The following NMNAT2 variants were observed in gnomAD, a reference collection of about 807,000 sequenced individuals.
NMNAT2 encodes nicotinamide/nicotinic acid mononucleotide adenylyltransferase 2.
A neutral mutation model predicts 41.6 loss-of-function variants in NMNAT2; 11 were observed. That is an observed-to-expected ratio of 0.26 (90% CI 0.17 to 0.44). NMNAT2 has a LOEUF of 0.44. Among genes scored for constraint, NMNAT2 ranks in the 20% least tolerant of loss-of-function variants. The pLI, the probability that NMNAT2 is intolerant of heterozygous loss-of-function variation, is 1.00. For synonymous variants in NMNAT2, 148 were observed against 151.2 expected (o/e 0.98, Z 0.16); for missense variants, 288 against 407.7 (o/e 0.71, Z 2.53).
At chr1:183,377,728 G>T (rs1239306291) in intron 1 of NMNAT2, among the ~76,000 whole-genome samples, 1 of 152,054 alleles carries the variant, frequency 6.6e-6, no homozygotes, top group Non-Finnish European at 1.5e-5. Flanking sequence ...AAAAGTACAA[G>T]GCAACAAAAA....
chr1:183,293,002 C>G (rs551008413), intron 2 of NMNAT2, 145 bp from the exon 3 acceptor site: 1 of 760,338 alleles, frequency 1.3e-6, no homozygotes, highest in Non-Finnish European at 2.2e-6. Context: ...TTTACTTGTC[C>G]GTTTGCCACA....
chr1:183,292,644 CT>C, intron 3 of NMNAT2, 145 bp downstream of exon 3: 1 of 706,880 alleles, frequency 1.4e-6, no homozygotes, highest in Non-Finnish European at 2.5e-6. Context: ...TGGAGGTCTA[CT>C]TATTGCCTCC....
At chr1:183,310,303 G>C (rs1045684579) in intron 1 of NMNAT2, among the ~76,000 whole-genome samples, 3 of 152,146 alleles carry the variant, frequency 2.0e-5, no homozygotes, top group South Asian at 2.1e-4. Flanking sequence ...GCTTTCAAAA[G>C]CTCCTTGCAT....
chr1:183,349,350 G>A (rs1187494245), intron 1 of NMNAT2, among the ~76,000 whole-genome samples: 1 of 152,228 alleles, frequency 6.6e-6, no homozygotes, highest in African/African-American at 2.4e-5. Flanking sequence ...CAAAGCCTTT[G>A]CCTGCTCACA....
intron 1 of NMNAT2, among the ~76,000 whole-genome samples, chr1:183,400,663 G>A (rs1242320773): frequency 2.6e-5 from 4 of 152,162 alleles, no homozygotes; most frequent in South Asian, 4.1e-4. Context: ...ACTTCACACT[G>A]TACTACAAGG....
Position 183,369,396 on chromosome 1 carries a change from C to A in NMNAT2, c.85+48787G>T, listed in dbSNP as rs1209658752. Among the ~76,000 whole-genome samples, 3 of 151,940 alleles carry A rather than the reference C, an allele frequency of 2.0e-5. No homozygotes were observed. In the East Asian group the frequency reaches 5.8e-4, roughly 29 times the overall value. On this transcript the variant is annotated intron_variant, in intron 1 of 10. Transcript: ENST00000287713. ...GGTTCAAGCGATTCTCCTGCCTCAG[C>A]CTCCCAAGTAGCTGGGACTACAGGC...
intron 1 of NMNAT2, among the ~76,000 whole-genome samples, chr1:183,345,767 A>G (rs1471354726): frequency 1.3e-5 from 2 of 151,708 alleles, no homozygotes; most frequent in East Asian, 3.9e-4. Context: ...GCTCACTGCA[A>G]GCTCCGCCTC....
chr1:183,349,423 G>C (rs900623678), intron 1 of NMNAT2, among the ~76,000 whole-genome samples: 3 of 152,250 alleles, frequency 2.0e-5, no homozygotes, highest in Admixed American at 6.5e-5. Flanking sequence ...CAGGCAGCTC[G>C]ATGCTGAAGG....
At chr1:183,329,360 T>C (rs10797874) in intron 1 of NMNAT2, among the ~76,000 whole-genome samples, 67,843 of 151,738 alleles carry the variant, frequency 0.45, 16,127 homozygotes, top group East Asian at 0.78. Context: ...AAATAGGATA[T>C]TTTAAATTCC....
chr1:183,345,401 A>G (rs1662905332), intron 1 of NMNAT2, among the ~76,000 whole-genome samples: 1 of 152,140 alleles, frequency 6.6e-6, no homozygotes, highest in African/African-American at 2.4e-5. Context: ...AGCCTTTAAG[A>G]GGTGCTTAGG....
chr1:183,395,232 A>G lies in NMNAT2; in HGVS notation c.85+22951T>C, dbSNP rs550874643. 1.5e-4 allele frequency among the ~76,000 whole-genome samples: 23 copies of G among 152,246 alleles called. No individual in the cohort carries two copies. The South Asian group carries it at 4.8e-3, about 32-fold the overall frequency. ...CATGCTTGCAGAACTACATCTGACC[A>G]GAGTTTAACTAGCAGTGGTGGATTT... On this transcript the variant is annotated intron_variant, in intron 1 of 10. Transcript: ENST00000287713.
chr1:183,357,569 A>T (rs544262903), intron 1 of NMNAT2, among the ~76,000 whole-genome samples: 2 of 152,262 alleles, frequency 1.3e-5, no homozygotes, highest in South Asian at 4.1e-4. Context: ...TCTTTGAGGA[A>T]TCGCCCCACA....
chr1:183,283,688 G>T, intron 7 of NMNAT2: 2 of 414,664 alleles, frequency 4.8e-6, no homozygotes, highest in Non-Finnish European at 9.1e-6. Context: ...CCAAAAGAAG[G>T]GTCTTTCCAG....
intron 8 of NMNAT2, among the ~76,000 whole-genome samples, chr1:183,276,442 G>A (rs1464338151): frequency 1.3e-5 from 2 of 152,232 alleles, no homozygotes; most frequent in African/African-American, 4.8e-5. Context: ...CCATTTTGGA[G>A]AGAAGTTAGA....
rs1275149363 is a variant in NMNAT2, at chr1:183,284,788, T to C, written c.451A>G (p.Lys151Glu). The change falls in exon 6 of 11, where the codon AAG becomes GAG. Residue 151 changes from lysine to glutamate, a missense_variant and splice_region_variant. Physicochemically the swap from Lys to Glu is moderately conservative, Grantham distance 56. Around this residue, in one of 3 missense-constraint regions of NMNAT2, gnomAD observed 181 missense variants for 213.7 expected, o/e 0.85. Coordinates refer to ENST00000287713, the MANE Select transcript of NMNAT2 (RefSeq NM_015039.4). ...SNVATKPTAAKILGKVGESLS... is the reference protein window; with the variant it reads ...SNVATKPTAAEILGKVGESLS... ...CTTTCTCCCACCTTCCCCAAGATCT[T>C]GGCTATGGGAGAGAGCAAGACAGAC... 2 of 1,613,840 alleles carry C rather than the reference T, an allele frequency of 1.2e-6. No individual in the cohort carries two copies. Among genetic ancestry groups the C allele is most frequent in the East Asian group, 2.2e-5 (1 of 44,872 alleles).
intron 1 of NMNAT2, among the ~76,000 whole-genome samples, chr1:183,325,036 C>T (rs887322191): frequency 4.6e-5 from 7 of 152,134 alleles, no homozygotes; most frequent in Non-Finnish European, 1.0e-4. Flanking sequence ...AAGCAGACCC[C>T]GAGGAACCAG....
intron 4 of NMNAT2, among the ~76,000 whole-genome samples, chr1:183,287,775 C>A (rs1661434975): frequency 6.6e-6 from 1 of 152,240 alleles, no homozygotes; most frequent in African/African-American, 2.4e-5. Flanking sequence ...GCTACCCTTT[C>A]TGGATTTGGG....
intron 1 of NMNAT2, among the ~76,000 whole-genome samples, chr1:183,375,467 G>A (rs1170882584): frequency 6.6e-6 from 1 of 152,188 alleles, no homozygotes; most frequent in African/African-American, 2.4e-5. Flanking sequence ...TGCCCAGGCT[G>A]TTTCCTGTGG....
chr1:183,411,495 A>G (rs545767303), intron 1 of NMNAT2, among the ~76,000 whole-genome samples: 67 of 152,056 alleles, frequency 4.4e-4, no homozygotes, highest in Non-Finnish European at 7.6e-4. Flanking sequence ...TAGTAGAGAC[A>G]GGGTTTCCCC....
Sources: gnomAD v4.1 joint callset for allele counts (sites outside exome capture counted in the v4.1 genomes callset) on GRCh38, gnomAD v4.1.1 for gene constraint, gnomAD v4.1.1 regional missense constraint, MANE v1.5 for transcripts, NCBI Gene and HGNC (gene_info 2026-07-23, HGNC 2026-07-21) for gene names.